Variants in SP110 observed in about 807,000 individuals in gnomAD.
The protein encoded by SP110 is interferon-induced protein 41, 30kD.
A neutral mutation model predicts 92.7 loss-of-function variants in SP110; 62 were observed. The observed-to-expected ratio is 0.67, with a 90% CI of 0.55 to 0.83. The LOEUF (loss-of-function observed/expected upper bound fraction) is 0.83. SP110 is among the 40% of genes least tolerant of loss of function. SP110 has a pLI of 0.00. For synonymous variants in SP110, 273 were observed against 305.3 expected (o/e 0.89, Z 1.10); for missense variants, 793 against 863.9 (o/e 0.92, Z 1.03).
At chr2:230,207,314 A>G (rs2043976418) in intron 8 of SP110, among the ~76,000 whole-genome samples, 1 of 152,158 alleles carries the variant, frequency 6.6e-6, no homozygotes, top group Non-Finnish European at 1.5e-5. Flanking sequence ...TGGGAGACAG[A>G]CGCTGCAATA....
upstream of SP110, chr2:230,221,744 G>A: frequency 2.0e-6 from 3 of 1,535,538 alleles, no homozygotes; most frequent in Non-Finnish European, 2.6e-6. Flanking sequence ...CCCTTCATGG[G>A]CATCTGAGGA....
chr2:230,197,504 T>C (rs1360865637), intron 10 of SP110, among the ~76,000 whole-genome samples: 4 of 148,292 alleles, frequency 2.7e-5, no homozygotes, highest in African/African-American at 9.9e-5. Flanking sequence ...GCCTGTTCAC[T>C]CTGATGGTAG....
chr2:230,198,436 A>G (rs1274653687), intron 10 of SP110, among the ~76,000 whole-genome samples: 2 of 152,214 alleles, frequency 1.3e-5, no homozygotes, highest in African/African-American at 4.8e-5. Context: ...GGGCAGGGTG[A>G]GCACTGCTAG....
intron 1 of SP110, among the ~76,000 whole-genome samples, chr2:230,225,111 G>A (rs1371407866): frequency 6.6e-6 from 1 of 152,154 alleles, no homozygotes; most frequent in Non-Finnish European, 1.5e-5. Flanking sequence ...TGAGAAGGCT[G>A]TCACTCTCCT....
chr2:230,220,160 G>T, upstream of SP110: 1 of 815,792 alleles, frequency 1.2e-6, no homozygotes, highest in Non-Finnish European at 1.5e-6. Flanking sequence ...GGGAGGGCGT[G>T]TTGCCAGTTG....
chr2:230,189,334 T>C (rs967990275), intron 10 of SP110, among the ~76,000 whole-genome samples: 2 of 152,200 alleles, frequency 1.3e-5, no homozygotes, highest in African/African-American at 4.8e-5. Flanking sequence ...AACTTTCCTC[T>C]TAAAAGCACT....
chr2:230,170,843 T>C, intron 17 of SP110, 82 bp from the exon 18 acceptor site: 2 of 1,404,906 alleles, frequency 1.4e-6, no homozygotes, highest in Non-Finnish European at 2.0e-6. Context: ...ATCCAAGCCT[T>C]CATTTCCAGG....
At chr2:230,212,146 A>G (rs2148921239) in intron 5 of SP110, among the ~76,000 whole-genome samples, 1 of 152,360 alleles carries the variant, frequency 6.6e-6, no homozygotes, top group East Asian at 1.9e-4. Flanking sequence ...TACGCAGGTT[A>G]CTTGTCAATT....
At chr2:230,208,832 G>C (rs1022500096) in intron 7 of SP110, among the ~76,000 whole-genome samples, 1 of 152,208 alleles carries the variant, frequency 6.6e-6, no homozygotes, top group Non-Finnish European at 1.5e-5. Flanking sequence ...AGACTTGCCA[G>C]AGAGTTCTAG....
rs1295035660 is a variant in SP110, at chr2:230,165,647, G to A, written c.*3477C>T. 5.3e-5 allele frequency among the ~76,000 whole-genome samples: 8 copies of A among 152,112 alleles called. No individual in the cohort carries two copies. Among genetic ancestry groups the A allele is most frequent in the African/African-American group, 1.9e-4 (8 of 41,402 alleles). Reference sequence around the variant, plus strand: ...GTGAAAAGACAGGAATAAGGGAGCTGAGAGGTATCAAAGTGATAAACGCAT... The same window carrying A: ...GTGAAAAGACAGGAATAAGGGAGCTAAGAGGTATCAAAGTGATAAACGCAT... On this transcript the variant is annotated 3_prime_UTR_variant, in exon 19 of 19. Transcript: ENST00000258381.
In SP110 at chr2:230,186,003, T is replaced by C. The variant is rs937402939; in HGVS notation, c.1270A>G (p.Arg424Gly). ...CCATCATTAGCCTTACCTTTCAATC[T>C]GGACTTTCGGGCACATTTAGTTCTT... is the stretch of plus-strand genomic sequence containing the variant. Reference protein sequence around the residue: ...KARTKCARKSRLKEKKKEKDI... With the variant: ...KARTKCARKSGLKEKKKEKDI... Residue 424 changes from arginine (R) to glycine (G), a missense_variant, in exon 11 of 19, where the codon AGA becomes GGA. Coordinates refer to ENST00000258381, the MANE Select transcript of SP110 (RefSeq NM_080424.4). 5 of 1,613,970 alleles carry C rather than the reference T, an allele frequency of 3.1e-6. No homozygotes were observed. The highest frequency in any genetic ancestry group is 4.2e-6 in the Non-Finnish European group (5 of 1,179,924).
In SP110 at chr2:230,207,997, G is replaced by C; in HGVS notation, c.892C>G (p.Pro298Ala). 1 of 1,542,568 alleles carries C rather than the reference G, an allele frequency of 6.5e-7. No individual in the cohort carries two copies. The highest frequency in any genetic ancestry group is 8.9e-7 in the Non-Finnish European group (1 of 1,118,370). The part of the protein sequence containing the change: ...PKRRHKKKSL[P>A]GGTASSRHGI... ...TCTTGTACTCTCATCTTACCTCCTG[G>C]GAGGCTTTTTTTCTTATGTCTCCTT... is the stretch of plus-strand genomic sequence containing the variant. The change falls in exon 8 of 19, where the codon CCA becomes GCA. Residue 298 changes from proline (P) to alanine (A), a missense_variant. Coordinates refer to ENST00000258381, the MANE Select transcript of SP110 (RefSeq NM_080424.4).
chr2:230,200,568 A>C (rs2043084382), intron 10 of SP110: 2 of 395,920 alleles, frequency 5.1e-6, no homozygotes, highest in East Asian at 1.1e-4. Flanking sequence ...AGTACCATGA[A>C]TATACTTAGG....
rs1377950955 is a variant in SP110 at position 230,165,829 on chromosome 2, A to G, written c.*3295T>C. ...GAAGGCAGAAGAAAAAAAATAGACAAAAATAACATTAAAACATTAAAAAGA... is the reference window on the plus strand; with the variant it reads ...GAAGGCAGAAGAAAAAAAATAGACAGAAATAACATTAAAACATTAAAAAGA... On this transcript the variant is annotated 3_prime_UTR_variant, in exon 19 of 19. Transcript: ENST00000258381. 6.6e-6 allele frequency among the ~76,000 whole-genome samples: 1 copy of G among 152,182 alleles called. No homozygotes were observed. The highest frequency in any genetic ancestry group is 1.5e-5 in the Non-Finnish European group (1 of 68,026).
In SP110 at chr2:230,177,602, CTTCCTT is replaced by C; in HGVS notation, c.1520_1525del (p.Lys507_Gly508del). Reference sequence around the variant, plus strand: ...ATTCCGTTTCCAGTTCTTTGCGTTCCTTCCTTTTCCTTCGACTTCAAATTCATTTGG... The same window carrying C: ...ATTCCGTTTCCAGTTCTTTGCGTTCCTTCCTTCGACTTCAAATTCATTTGG... On this transcript the variant is annotated inframe_deletion, in exon 14 of 19. Transcript: ENST00000258381. 3 of 1,614,112 alleles carry C rather than the reference CTTCCTT, an allele frequency of 1.9e-6. No individual in the cohort carries two copies. Among genetic ancestry groups the C allele is most frequent in the Non-Finnish European group, 2.5e-6 (3 of 1,179,948 alleles).
chr2:230,218,367 G>A (rs28733458), intron 1 of SP110, among the ~76,000 whole-genome samples: 1,687 of 152,160 alleles, frequency 0.011, 31 homozygotes, highest in African/African-American at 0.038. Flanking sequence ...AGAATAATCC[G>A]CAATCGCATA....
At chr2:230,195,626 TATTA>T (rs2042837468) in intron 10 of SP110, among the ~76,000 whole-genome samples, 1 of 152,122 alleles carries the variant, frequency 6.6e-6, no homozygotes, top group Non-Finnish European at 1.5e-5. Flanking sequence ...CGGCATGCCT[TATTA>T]ATTTTAAAAT....
At chr2:230,196,431 T>C (rs1247404286) in intron 10 of SP110, among the ~76,000 whole-genome samples, 2 of 152,094 alleles carry the variant, frequency 1.3e-5, no homozygotes, top group African/African-American at 2.4e-5. Context: ...ATAGACTATA[T>C]AGTATGAGCT....
intron 12 of SP110, 148 bp from the exon 13 acceptor site, chr2:230,178,403 G>T: frequency 1.5e-6 from 1 of 650,638 alleles, no homozygotes; most frequent in Admixed American, 2.1e-5. Flanking sequence ...TCGAGTGACA[G>T]ATAAGCTATG....
Sources: gnomAD v4.1 joint callset for allele counts (sites outside exome capture counted in the v4.1 genomes callset) on GRCh38, gnomAD v4.1.1 for gene constraint, MANE v1.5 for transcripts, NCBI Gene and HGNC (gene_info 2026-07-23, HGNC 2026-07-21) for gene names.